Variants in ARV1 observed in about 807,000 individuals in gnomAD.
ARV1 encodes the protein ARV1 fatty acid homeostasis modulator, also known as protein ARV1.
In ARV1, 26 loss-of-function variants were observed where a neutral mutation model predicts 31.1. The observed-to-expected ratio is 0.84, with a 90% CI of 0.61 to 1.16. The LOEUF (loss-of-function observed/expected upper bound fraction) is 1.16. Among genes scored for constraint, ARV1 ranks in the 50% most tolerant of loss-of-function variants. The pLI is 0.00. For synonymous variants in ARV1, 117 were observed against 123.2 expected (o/e 0.95, Z 0.34); for missense variants, 281 against 324.9 (o/e 0.86, Z 1.04).
intron 5 of ARV1, among the ~76,000 whole-genome samples, chr1:230,997,658 C>T (rs1679407847): frequency 6.6e-6 from 1 of 152,164 alleles, no homozygotes; most frequent in Admixed American, 6.5e-5. Flanking sequence ...CTCTTGACCT[C>T]TCATTTTCGC....
At position 231,000,565 on chromosome 1, in the gene ARV1, G is replaced by A. The variant is rs916933852; in HGVS notation, c.*432G>A. On this transcript the variant is annotated 3_prime_UTR_variant, in exon 6 of 6. Coordinates refer to ENST00000310256, the MANE Select transcript of ARV1 (RefSeq NM_022786.3). ...TATTTTGTGTTCTTACAATAGAAAC[G>A]CTTTTAATAAAGTCTTTCAGAATAA... The A allele has an allele frequency of 4.6e-5, 7 of 152,110 alleles. No homozygotes were observed. The highest frequency in any genetic ancestry group is 4.1e-4 in the South Asian group (2 of 4,834). 9.4% of individuals were successfully genotyped at this position (152,110 alleles called of 1,614,324 possible).
At chr1:230,983,412 C>CAAA (rs386369944) in intron 1 of ARV1, among the ~76,000 whole-genome samples, 2,260 of 106,308 alleles carry the variant, frequency 0.021, 38 homozygotes, top group East Asian at 0.052. Context: ...GACTCCGTCT[C>CAAA]AAAAAAAAAA....
chr1:230,998,653 C>G (rs1679437955), intron 5 of ARV1, among the ~76,000 whole-genome samples: 1 of 152,022 alleles, frequency 6.6e-6, no homozygotes, highest in Admixed American at 6.6e-5. Context: ...TTTCTGTAAT[C>G]CCAGCACTTT....
chr1:230,990,487 C>T (rs1031897800), intron 3 of ARV1: 3 of 467,272 alleles, frequency 6.4e-6, no homozygotes, highest in African/African-American at 6.2e-5. Flanking sequence ...AGTAGTTATG[C>T]TTATCGGATT....
chr1:230,979,617 A>G (rs549133989), intron 1 of ARV1: 57 of 299,480 alleles, frequency 1.9e-4, no homozygotes, highest in African/African-American at 1.2e-3. Flanking sequence ...TCCCTTTGAC[A>G]GAGAGATGGT....
intron 5 of ARV1, among the ~76,000 whole-genome samples, chr1:230,999,368 G>A (rs1000158508): frequency 6.6e-6 from 1 of 152,166 alleles, no homozygotes; most frequent in Non-Finnish European, 1.5e-5. Flanking sequence ...AAACCAGCCT[G>A]CAACCCATAC....
At chr1:230,990,410 A>G in intron 3 of ARV1, 147 bp downstream of exon 3, 1 of 1,028,924 alleles carries the variant, frequency 9.7e-7, no homozygotes, top group African/African-American at 1.6e-5. Context: ...ACCACTACTA[A>G]CCTACGAGGT....
intron 1 of ARV1, among the ~76,000 whole-genome samples, chr1:230,980,958 T>C (rs926454907): frequency 6.6e-6 from 1 of 152,218 alleles, no homozygotes; most frequent in Non-Finnish European, 1.5e-5. Context: ...ACTGTTCTTG[T>C]TAAGATCACC....
chr1:230,988,427 T>A lies in ARV1; in HGVS notation c.282T>A (p.Asn94Lys). ...AGGCCTACAGACATATTCTTTTCAA[T>A]ACTCAAATAAATGTAAGTTGTGATA... Reference protein sequence around the residue: ...KAQAYRHILFNTQINIHGKLC... With the variant: ...KAQAYRHILFKTQINIHGKLC... Residue 94 changes from asparagine (N) to lysine (K), a missense_variant, in exon 2 of 6, where the codon AAT becomes AAA. Coordinates refer to ENST00000310256, the MANE Select transcript of ARV1 (RefSeq NM_022786.3). 1 of 1,556,554 alleles carries A rather than the reference T, an allele frequency of 6.4e-7. No homozygotes were observed. Among genetic ancestry groups the A allele is most frequent in the East Asian group, 2.3e-5 (1 of 43,100 alleles).
intron 1 of ARV1, chr1:230,979,562 G>T (rs147656789): frequency 5.1e-6 from 2 of 393,306 alleles, no homozygotes; most frequent in African/African-American, 4.3e-5. Context: ...GATCAATTAG[G>T]TTGACATTTT....
rs112542919 is a variant in ARV1 at position 230,991,820 on chromosome 1, C to T, written c.448+1557C>T. On this transcript the variant is annotated intron_variant, in intron 3 of 5. Coordinates refer to ENST00000310256, the MANE Select transcript of ARV1 (RefSeq NM_022786.3). ...CTAATTTTTGTATTTTTAGTAGAGA[C>T]GGCTTCACCATGTTGGTCAGGCTGG... Among the ~76,000 whole-genome samples, 666 of 152,030 alleles carry T rather than the reference C, an allele frequency of 4.4e-3. 4 individuals are homozygous for T. The highest frequency in any genetic ancestry group is 0.02 in the Middle Eastern group (6 of 294).
chr1:230,983,196 C>T (rs576264929), intron 1 of ARV1, among the ~76,000 whole-genome samples: 2 of 152,176 alleles, frequency 1.3e-5, no homozygotes, highest in South Asian at 2.1e-4. Context: ...AGGCGGAGCA[C>T]GAGGTCAGGA....
At chr1:230,980,868 A>G (rs889842306) in intron 1 of ARV1, among the ~76,000 whole-genome samples, 1 of 151,804 alleles carries the variant, frequency 6.6e-6, no homozygotes, top group Non-Finnish European at 1.5e-5. Flanking sequence ...ACCTTCTAAG[A>G]TATGTTTGTA....
chr1:230,998,958 G>GTCC (rs1224848264), intron 5 of ARV1, among the ~76,000 whole-genome samples: 2 of 152,066 alleles, frequency 1.3e-5, no homozygotes. Flanking sequence ...TGTTTTCTGA[G>GTCC]TCCTCCTCCT....
At position 231,000,715 on chromosome 1, in the gene ARV1, A is replaced by C. The variant is rs1049216803; in HGVS notation, c.*582A>C. On this transcript the variant is annotated 3_prime_UTR_variant, in exon 6 of 6. Transcript: ENST00000310256. ...TGCAAGGGTAAATTACATCTGAATA[A>C]AGCTGTAATTAAAAACAACACCTCT... 6.6e-6 allele frequency: 1 copy of C among 152,220 alleles called. No homozygotes were observed. Among genetic ancestry groups the C allele is most frequent in the African/African-American group, 2.4e-5 (1 of 41,470 alleles). 9.4% of individuals were successfully genotyped at this position (152,220 alleles called of 1,614,324 possible).
chr1:230,983,000 A>C (rs1572334498), intron 1 of ARV1, among the ~76,000 whole-genome samples: 1 of 152,038 alleles, frequency 6.6e-6, no homozygotes, highest in Admixed American at 6.6e-5. Context: ...CTTCACTGCC[A>C]TTCCTCCCAG....
rs114618545 is a variant in ARV1 at position 230,997,394 on chromosome 1, C to A, written c.*4+127C>A. The A allele has an allele frequency of 1.2e-4, 128 of 1,108,600 alleles. No individual in the cohort carries two copies. The African/African-American group carries it at 1.7e-3, about 15-fold the overall frequency. The allele number at this position is 1,108,600 out of a possible 1,614,324, so 68.7% of individuals were successfully genotyped here. Reference sequence around the variant, plus strand: ...CTAGCGTCTAACTGCCTCTAGGTCACCCTCATCTTCCTCAAGGACTTTACT... The same window carrying A: ...CTAGCGTCTAACTGCCTCTAGGTCAACCTCATCTTCCTCAAGGACTTTACT... On this transcript the variant is annotated intron_variant, in intron 5 of 5. Transcript: ENST00000310256.
intron 3 of ARV1, 105 bp downstream of exon 3, chr1:230,990,368 A>C: frequency 7.1e-7 from 1 of 1,415,568 alleles, no homozygotes; most frequent in Non-Finnish European, 9.7e-7. Context: ...AGAGCTAGTT[A>C]ATATGGGACT....
At chr1:230,984,898 G>A (rs576835649) in intron 1 of ARV1, among the ~76,000 whole-genome samples, 3 of 152,284 alleles carry the variant, frequency 2.0e-5, no homozygotes, top group East Asian at 1.9e-4. Flanking sequence ...TACATTGTTG[G>A]TGTTAGTACC....
Sources: gnomAD v4.1 joint callset for allele counts (sites outside exome capture counted in the v4.1 genomes callset) on GRCh38, gnomAD v4.1.1 for gene constraint, MANE v1.5 for transcripts, NCBI Gene and HGNC (gene_info 2026-07-23, HGNC 2026-07-21) for gene names.